Variants in KCTD16 observed in about 807,000 individuals in gnomAD.
KCTD16 encodes BTB/POZ domain-containing protein KCTD16.
A neutral mutation model predicts 33.2 loss-of-function variants in KCTD16; 13 were observed. The observed-to-expected ratio is 0.39, with a 90% CI of 0.25 to 0.62. The LOEUF (loss-of-function observed/expected upper bound fraction) is 0.62. Ranked by LOEUF, KCTD16 falls within the 20% of genes least tolerant of loss-of-function variation. The probability of loss-of-function intolerance (pLI) is 0.50; values close to 1 mark genes in which losing one functional copy is unlikely to be tolerated. For missense variants in KCTD16, 441 were observed against 525.1 expected (o/e 0.84, Z 1.57); for synonymous variants, 197 against 195.3 (o/e 1.01, Z -0.07).
chr5:144,313,185 G>A (rs1001818617), intron 3 of KCTD16, among the ~76,000 whole-genome samples: 4 of 152,122 alleles, frequency 2.6e-5, no homozygotes, highest in African/African-American at 9.7e-5. Context: ...TGTTTTATAT[G>A]ACTGTGATAT....
chr5:144,299,080 A>T (rs1285788391), intron 3 of KCTD16, among the ~76,000 whole-genome samples: 17 of 69,386 alleles, frequency 2.5e-4, no homozygotes, highest in Non-Finnish European at 3.4e-4. Context: ...ATATTTTTGT[A>T]TATATATATC....
At chr5:144,331,202 A>T (rs1752349510) in intron 3 of KCTD16, among the ~76,000 whole-genome samples, 1 of 152,210 alleles carries the variant, frequency 6.6e-6, no homozygotes. Context: ...CTGGTACTGC[A>T]TCAGTTACTT....
At chr5:144,471,969 T>C (rs746187889) in intron 3 of KCTD16, among the ~76,000 whole-genome samples, 1 of 152,224 alleles carries the variant, frequency 6.6e-6, no homozygotes, top group Non-Finnish European at 1.5e-5. Flanking sequence ...TTGGTATGTA[T>C]GTTTAAATCA....
At chr5:144,388,757 A>G (rs143175679) in intron 3 of KCTD16, among the ~76,000 whole-genome samples, 2 of 152,336 alleles carry the variant, frequency 1.3e-5, no homozygotes, top group Non-Finnish European at 2.9e-5. Flanking sequence ...GGAGAAAAAT[A>G]TATATTCTAT....
chr5:144,226,260 A>G (rs942320088), intron 3 of KCTD16, among the ~76,000 whole-genome samples: 1 of 152,206 alleles, frequency 6.6e-6, no homozygotes, highest in African/African-American at 2.4e-5. Context: ...TATTTTACAG[A>G]TAAGAAGACT....
intron 3 of KCTD16, among the ~76,000 whole-genome samples, chr5:144,454,345 T>C (rs995212280): frequency 1.3e-5 from 2 of 152,186 alleles, no homozygotes. Flanking sequence ...TTTTTGCTTT[T>C]TTCACATGGG....
At chr5:144,262,023 G>T (rs779356676) in intron 3 of KCTD16, among the ~76,000 whole-genome samples, 2 of 152,102 alleles carry the variant, frequency 1.3e-5, no homozygotes, top group Non-Finnish European at 2.9e-5. Context: ...CACAGGGAGT[G>T]CTACAATCAT....
chr5:144,404,441 T>C (rs1184351876), intron 3 of KCTD16, among the ~76,000 whole-genome samples: 2 of 152,200 alleles, frequency 1.3e-5, no homozygotes, highest in African/African-American at 4.8e-5. Flanking sequence ...CCTGTTAATT[T>C]GAGAAAGATG....
chr5:144,292,004 A>G (rs1265392428), intron 3 of KCTD16, among the ~76,000 whole-genome samples: 1 of 152,230 alleles, frequency 6.6e-6, no homozygotes, highest in Admixed American at 6.5e-5. Context: ...AGGAACTCAT[A>G]TTTCTATACA....
chr5:144,315,860 G>C (rs1751896509), intron 3 of KCTD16, among the ~76,000 whole-genome samples: 1 of 152,060 alleles, frequency 6.6e-6, no homozygotes, highest in Admixed American at 6.6e-5. Context: ...CATGACTTAA[G>C]ATTTTATTTT....
At chr5:144,304,160 G>T (rs1751523727) in intron 3 of KCTD16, among the ~76,000 whole-genome samples, 1 of 152,148 alleles carries the variant, frequency 6.6e-6, no homozygotes, top group South Asian at 2.1e-4. Flanking sequence ...ATCATGTGAG[G>T]ATAAAAATTC....
intron 3 of KCTD16, among the ~76,000 whole-genome samples, chr5:144,215,498 G>A (rs1218195607): frequency 6.6e-6 from 1 of 152,154 alleles, no homozygotes; most frequent in African/African-American, 2.4e-5. Flanking sequence ...TAACATAGTG[G>A]TTAAGAGCCT....
chr5:144,288,214 G>A (rs1755801089), intron 3 of KCTD16, among the ~76,000 whole-genome samples: 3 of 152,180 alleles, frequency 2.0e-5, no homozygotes, highest in Admixed American at 2.0e-4. Flanking sequence ...TGGGCTTGGG[G>A]ACAGAAAAGA....
intron 3 of KCTD16, among the ~76,000 whole-genome samples, chr5:144,285,945 A>G (rs1580845433): frequency 2.0e-5 from 3 of 148,670 alleles, no homozygotes; most frequent in Non-Finnish European, 4.5e-5. Flanking sequence ...TGTGATTTTA[A>G]TGGCTGCCAT....
intron 3 of KCTD16, among the ~76,000 whole-genome samples, chr5:144,426,846 A>T (rs1246476310): frequency 6.6e-6 from 1 of 152,122 alleles, no homozygotes; most frequent in Non-Finnish European, 1.5e-5. Flanking sequence ...TAATCCATTG[A>T]TAAGGGTGGA....
intron 2 of KCTD16, among the ~76,000 whole-genome samples, chr5:144,194,611 T>C (rs1392583986): frequency 6.6e-6 from 1 of 152,228 alleles, no homozygotes; most frequent in Non-Finnish European, 1.5e-5. Context: ...GCATTTACTA[T>C]GGGCCAGTTA....
intron 2 of KCTD16, among the ~76,000 whole-genome samples, chr5:144,178,126 T>A (rs1392720572): frequency 6.6e-6 from 1 of 152,226 alleles, no homozygotes; most frequent in Non-Finnish European, 1.5e-5. Flanking sequence ...GGAATATTTT[T>A]CATCAGACTT....
chr5:144,195,424 A>G (rs1476874350), intron 2 of KCTD16, among the ~76,000 whole-genome samples: 2 of 152,324 alleles, frequency 1.3e-5, no homozygotes, highest in South Asian at 2.1e-4. Flanking sequence ...GCTTGCTACC[A>G]TCCAGCACCT....
chr5:144,436,951 G>T (rs900694236), intron 3 of KCTD16, among the ~76,000 whole-genome samples: 2 of 152,052 alleles, frequency 1.3e-5, no homozygotes, highest in Admixed American at 1.3e-4. Flanking sequence ...ATAATAATAT[G>T]TACTACTGGT....
Sources: gnomAD v4.1 joint callset for allele counts (sites outside exome capture counted in the v4.1 genomes callset) on GRCh38, gnomAD v4.1.1 for gene constraint, MANE v1.5 for transcripts, NCBI Gene and HGNC (gene_info 2026-07-23, HGNC 2026-07-21) for gene names.